The following PIGF variants were observed in gnomAD, a reference collection of about 807,000 sequenced individuals.
The protein encoded by PIGF is phosphatidylinositol glycan anchor biosynthesis class F.
In PIGF, 23 loss-of-function variants were observed where a neutral mutation model predicts 26.0. The ratio of observed to expected loss-of-function variants is 0.88; its 90% CI spans 0.64 to 1.25. The LOEUF is 1.25. PIGF is among the 50% of genes most tolerant of loss of function. PIGF has a pLI of 0.00. For synonymous variants in PIGF, 93 were observed against 92.6 expected (o/e 1.00, Z -0.03); for missense variants, 278 against 249.9 (o/e 1.11, Z -0.76).
At chr2:46,581,791 G>C (rs532112767) in intron 5 of PIGF, 200 bp from the exon 6 acceptor site, 4 of 637,642 alleles carry the variant, frequency 6.3e-6, no homozygotes, top group Non-Finnish European at 9.3e-6. Flanking sequence ...CTGTAACAAG[G>C]CTTCTGGCAA....
At chr2:46,597,310 G>C (rs1156526577) in intron 4 of PIGF, among the ~76,000 whole-genome samples, 1 of 152,134 alleles carries the variant, frequency 6.6e-6, no homozygotes, top group Non-Finnish European at 1.5e-5. Context: ...AGATTCCTGA[G>C]AAAGGGTACA....
intron 4 of PIGF, among the ~76,000 whole-genome samples, chr2:46,603,461 C>G (rs372910827): frequency 7.9e-5 from 12 of 151,938 alleles, no homozygotes; most frequent in African/African-American, 2.9e-4. Flanking sequence ...TCAAATTATA[C>G]TACAGAGCTA....
intron 4 of PIGF, among the ~76,000 whole-genome samples, chr2:46,611,545 A>G (rs372078527): frequency 1.3e-5 from 2 of 152,166 alleles, no homozygotes; most frequent in South Asian, 2.1e-4. Flanking sequence ...GCATAACACA[A>G]TAACACAGAG....
intron 5 of PIGF, among the ~76,000 whole-genome samples, chr2:46,584,000 G>C (rs755254073): frequency 5.9e-5 from 9 of 152,114 alleles, no homozygotes; most frequent in Non-Finnish European, 1.3e-4. Flanking sequence ...GTACATTTTA[G>C]GTTAGCTCAT....
intron 1 of PIGF, 140 bp from the exon 2 acceptor site, chr2:46,615,325 G>A (rs1166504667): frequency 3.7e-6 from 2 of 547,548 alleles, no homozygotes; most frequent in Non-Finnish European, 6.6e-6. Flanking sequence ...AGATGCAGAC[G>A]TGTAGATGCA....
intron 3 of PIGF, 76 bp from the exon 4 acceptor site, chr2:46,612,420 A>C: frequency 2.3e-6 from 1 of 442,280 alleles, no homozygotes. Flanking sequence ...TATTATATAA[A>C]TAAAATGTGA....
intron 4 of PIGF, among the ~76,000 whole-genome samples, chr2:46,596,138 C>T (rs553215314): frequency 3.3e-4 from 50 of 150,352 alleles, no homozygotes; most frequent in Admixed American, 6.0e-4. Context: ...CGCTTGAACC[C>T]GGGAGGCGGA....
chr2:46,613,797 A>G lies in PIGF; in HGVS notation c.229-12T>C. On this transcript the variant is annotated splice_polypyrimidine_tract_variant and intron_variant, in intron 2 of 5. Transcript: ENST00000281382. ...AAAAATCCAGTTACCTAAAAGAGAA[A>G]TGAATAACCTGAAGATTCAAGATAA... 6.6e-7 allele frequency: 1 copy of G among 1,523,264 alleles called. No individual in the cohort carries two copies. Among genetic ancestry groups the G allele is most frequent in the Non-Finnish European group, 9.0e-7 (1 of 1,117,126 alleles). The allele number at this position is 1,523,264 out of a possible 1,614,324, so 94.4% of individuals were successfully genotyped here.
At position 46,598,529 on chromosome 2, in the gene PIGF, A is replaced by ATTTTTTTTTTTTTTTTTTTTTT. The variant is rs747263045; in HGVS notation, c.438-5968_438-5947dup. On this transcript the variant is annotated intron_variant, in intron 4 of 5. Coordinates refer to ENST00000281382, the MANE Select transcript of PIGF (RefSeq NM_002643.4). Reference sequence around the variant, plus strand: ...ATAAACTTTCTTAAAACATTATGAGATTTTTTTTTTTTTTTTTTTTTTTTA... The same window carrying ATTTTTTTTTTTTTTTTTTTTTT: ...ATAAACTTTCTTAAAACATTATGAGATTTTTTTTTTTTTTTTTTTTTTTTTTTTTTTTTTTTTTTTTTTTTTA... 1.3e-4 allele frequency among the ~76,000 whole-genome samples: 13 copies of ATTTTTTTTTTTTTTTTTTTTTT among 103,510 alleles called. 1 individual carries two copies. Among genetic ancestry groups the ATTTTTTTTTTTTTTTTTTTTTT allele is most frequent in the African/African-American group, 4.5e-4 (10 of 22,402 alleles). The allele number at this position is 103,510 out of a possible 152,430, so 67.9% of individuals were successfully genotyped here. A position where few individuals can be genotyped will look rare whatever the true frequency, so the allele number is the denominator to read the frequency against.
rs377177937 is a variant in PIGF at position 46,596,981 on chromosome 2, C to G, written c.438-4398G>C. ...GTTAAGAACTGCCTCTTTTTCCCTG[C>G]TCTGTTTGCTTACGTACCTGTCATT... is the stretch of plus-strand genomic sequence containing the variant. On this transcript the variant is annotated intron_variant, in intron 4 of 5. Coordinates refer to ENST00000281382, the MANE Select transcript of PIGF (RefSeq NM_002643.4). 1.1e-4 allele frequency among the ~76,000 whole-genome samples: 17 copies of G among 152,238 alleles called. No homozygotes were observed. In the East Asian group the frequency reaches 3.1e-3, roughly 28 times the overall value.
intron 4 of PIGF, among the ~76,000 whole-genome samples, chr2:46,601,702 G>A (rs1380443241): frequency 6.6e-6 from 1 of 151,690 alleles, no homozygotes; most frequent in South Asian, 2.1e-4. Flanking sequence ...TAAATCTTTG[G>A]TCACTCACTA....
intron 5 of PIGF, among the ~76,000 whole-genome samples, chr2:46,586,933 G>C (rs1213945881): frequency 6.6e-6 from 1 of 152,234 alleles, no homozygotes; most frequent in African/African-American, 2.4e-5. Context: ...TATTTGCGAA[G>C]GGGTGTGTAG....
At chr2:46,598,694 G>C (rs557592124) in intron 4 of PIGF, among the ~76,000 whole-genome samples, 2 of 152,142 alleles carry the variant, frequency 1.3e-5, no homozygotes, top group African/African-American at 2.4e-5. Context: ...AGTGGGAATA[G>C]GGTATGACTG....
At chr2:46,596,664 A>T (rs1438350798) in intron 4 of PIGF, among the ~76,000 whole-genome samples, 8 of 140,292 alleles carry the variant, frequency 5.7e-5, no homozygotes, top group African/African-American at 5.1e-5. Flanking sequence ...ACCTCAAATT[A>T]AAAAAAAAAA....
chr2:46,609,517 TAGTC>T (rs1433967916), intron 4 of PIGF, among the ~76,000 whole-genome samples: 13 of 152,266 alleles, frequency 8.5e-5, no homozygotes, highest in Admixed American at 8.5e-4. Context: ...GCTTCACTTT[TAGTC>T]TGTCTCAGTT....
At chr2:46,585,570 C>T (rs1202322281) in intron 5 of PIGF, among the ~76,000 whole-genome samples, 1 of 152,140 alleles carries the variant, frequency 6.6e-6, no homozygotes, top group African/African-American at 2.4e-5. Flanking sequence ...TAAAATTTGT[C>T]ATGAAAGCTA....
At chr2:46,596,260 G>A (rs934037441) in intron 4 of PIGF, among the ~76,000 whole-genome samples, 3 of 145,802 alleles carry the variant, frequency 2.1e-5, no homozygotes, top group African/African-American at 7.5e-5. Context: ...TAACCTCTAA[G>A]TTCTAAGTTC....
At chr2:46,616,783 G>C (rs868346818) in intron 1 of PIGF, 187 bp downstream of exon 1, 1 of 184,854 alleles carries the variant, frequency 5.4e-6, no homozygotes, top group Non-Finnish European at 1.2e-5. Context: ...AGGGAAAACT[G>C]GGGGACAGAG....
rs534677179 is a variant in PIGF at position 46,583,460 on chromosome 2, A to C, written c.547-1869T>G. 5.9e-5 allele frequency among the ~76,000 whole-genome samples: 9 copies of C among 152,276 alleles called. No homozygotes were observed. In the East Asian group the frequency reaches 9.6e-4, roughly 16 times the overall value. On this transcript the variant is annotated intron_variant, in intron 5 of 5. Transcript: ENST00000281382. ...AAAAATCATGTATATAGATTATCAGAACTCTAAGCAAAGATGACTGTCACA... is the reference window on the plus strand; with the variant it reads ...AAAAATCATGTATATAGATTATCAGCACTCTAAGCAAAGATGACTGTCACA...
Sources: gnomAD v4.1 joint callset for allele counts (sites outside exome capture counted in the v4.1 genomes callset) on GRCh38, gnomAD v4.1.1 for gene constraint, MANE v1.5 for transcripts, NCBI Gene and HGNC (gene_info 2026-07-23, HGNC 2026-07-21) for gene names.